GK5: variants seen among roughly 807,000 people sequenced by gnomAD.
GK5 encodes glycerol kinase 5, also known as ATP:glycerol 3-phosphotransferase 5.
Under a neutral mutation model 77.3 loss-of-function variants are expected in GK5, and 39 were observed. The ratio of observed to expected loss-of-function variants is 0.50; its 90% CI spans 0.39 to 0.66. The LOEUF (loss-of-function observed/expected upper bound fraction) is 0.66. GK5 is among the 30% of genes least tolerant of loss of function. The pLI is 0.00. For synonymous variants in GK5, 211 were observed against 208.0 expected (o/e 1.01, Z -0.13); for missense variants, 487 against 633.8 (o/e 0.77, Z 2.49).
In GK5 at chr3:142,161,575, C is replaced by G. The variant is rs2063425991; in HGVS notation, c.*4047G>C. On this transcript the variant is annotated 3_prime_UTR_variant, in exon 16 of 16. Transcript: ENST00000392993. ...GACAGTTTCTGCTTTCAGGGAGCTT[C>G]CAGTCTGGTAGAGATTTACACAGAA... is the stretch of plus-strand genomic sequence containing the variant. 1 of 152,096 alleles carries G rather than the reference C, an allele frequency of 6.6e-6. No individual in the cohort carries two copies. The highest frequency in any genetic ancestry group is 2.4e-5 in the African/African-American group (1 of 41,404). The allele number at this position is 152,096 out of a possible 1,614,324, so 9.4% of individuals were successfully genotyped here. A position where few individuals can be genotyped will look rare whatever the true frequency, so the allele number is the denominator to read the frequency against.
intron 12 of GK5, 88 bp from the exon 13 acceptor site, chr3:142,172,544 C>T (rs2063553223): frequency 1.8e-6 from 1 of 569,046 alleles, no homozygotes; most frequent in Non-Finnish European, 3.1e-6. Context: ...ACAACATAGC[C>T]ACGTTAGAAG....
At chr3:142,192,048 C>T (rs776911318) in intron 5 of GK5, among the ~76,000 whole-genome samples, 8 of 152,150 alleles carry the variant, frequency 5.3e-5, no homozygotes, top group Admixed American at 2.6e-4. Context: ...GAACAGACAC[C>T]TCACCCAAGA....
chr3:142,187,653 C>T, intron 6 of GK5, 51 bp downstream of exon 6: 1 of 1,265,346 alleles, frequency 7.9e-7, no homozygotes, highest in Non-Finnish European at 1.1e-6. Context: ...CAAATCATTT[C>T]TCTTGATCAA....
intron 11 of GK5, among the ~76,000 whole-genome samples, chr3:142,180,682 C>T (rs1279253999): frequency 6.6e-6 from 1 of 152,106 alleles, no homozygotes; most frequent in Non-Finnish European, 1.5e-5. Context: ...TTCTCTCATC[C>T]CTCTTGCCAC....
At chr3:142,205,308 TA>T (rs886993670) in intron 3 of GK5, among the ~76,000 whole-genome samples, 9 of 148,476 alleles carry the variant, frequency 6.1e-5, no homozygotes, top group East Asian at 3.9e-4. Flanking sequence ...AATATAGAAG[TA>T]AAAAAAAAAA....
intron 11 of GK5, among the ~76,000 whole-genome samples, chr3:142,179,761 T>C (rs192889469): frequency 5.3e-5 from 8 of 152,314 alleles, no homozygotes; most frequent in East Asian, 1.9e-4. Flanking sequence ...AATAAGCTAA[T>C]TGATAAAAAG....
At chr3:142,168,700 C>G (rs1326492451) in intron 15 of GK5, among the ~76,000 whole-genome samples, 1 of 151,996 alleles carries the variant, frequency 6.6e-6, no homozygotes, top group Non-Finnish European at 1.5e-5. Flanking sequence ...GCGATCTGTT[C>G]AAATGCAGAT....
Position 142,186,200 on chromosome 3 carries a change from T to G in GK5, c.749A>C (p.Asp250Ala). The G allele has an allele frequency of 6.4e-7, 1 of 1,569,768 alleles. No individual in the cohort carries two copies. Among genetic ancestry groups the G allele is most frequent in the Non-Finnish European group, 8.8e-7 (1 of 1,139,946 alleles). Residue 250 changes from aspartate (D) to alanine (A), a missense_variant, in exon 8 of 16, where the codon GAC becomes GCC. Physicochemically the swap from Asp to Ala is moderately radical, Grantham distance 126. Coordinates refer to ENST00000392993, the MANE Select transcript of GK5 (RefSeq NM_001039547.3). ...GTCTGATGTTTATTATTACCTTGTG[T>G]CCCTCACAGGAGGTAGGAGAGAAAG... ...IPLSLLPPVR[D>A]TSHNFGSVDE...
chr3:142,225,258 G>A, intron 1 of GK5, 51 bp downstream of exon 1: 3 of 1,481,560 alleles, frequency 2.0e-6, no homozygotes, highest in Middle Eastern at 2.4e-4. Context: ...CGGACCCCGG[G>A]ACTCAGCGAA....
rs1305105149 is a variant in GK5 at position 142,161,038 on chromosome 3, A to G, written c.*4584T>C. 2 of 151,698 alleles carry G rather than the reference A, an allele frequency of 1.3e-5. No homozygotes were observed. Among genetic ancestry groups the G allele is most frequent in the East Asian group, 3.9e-4 (2 of 5,152 alleles). The allele number at this position is 151,698 out of a possible 1,614,324, so 9.4% of individuals were successfully genotyped here. On this transcript the variant is annotated 3_prime_UTR_variant, in exon 16 of 16. Coordinates refer to ENST00000392993, the MANE Select transcript of GK5 (RefSeq NM_001039547.3). ...GTACTTGGCCAAAAATTTTAAATAA[A>G]CAACATGAGGATTCTAGCTCTCACT...
Position 142,161,913 on chromosome 3 carries a change from C to A in GK5, c.*3709G>T, listed in dbSNP as rs1186719042. ...TCCTGGAGCTCAAGTGATCTTCCCA[C>A]CTCAGCCCCCTAATTAGCTGGGACT... On this transcript the variant is annotated 3_prime_UTR_variant, in exon 16 of 16. Transcript: ENST00000392993. 6.6e-6 allele frequency: 1 copy of A among 152,228 alleles called. No homozygotes were observed. The highest frequency in any genetic ancestry group is 1.5e-5 in the Non-Finnish European group (1 of 68,092). The allele number at this position is 152,228 out of a possible 1,614,324, so 9.4% of individuals were successfully genotyped here.
intron 12 of GK5, among the ~76,000 whole-genome samples, chr3:142,176,658 ATT>A (rs1219207632): frequency 3.8e-5 from 4 of 105,182 alleles, no homozygotes; most frequent in African/African-American, 3.8e-5. Flanking sequence ...GGAGATTTTG[ATT>A]TTTTTTTTTT....
At chr3:142,180,917 G>A (rs114250638) in intron 11 of GK5, among the ~76,000 whole-genome samples, 1 of 152,114 alleles carries the variant, frequency 6.6e-6, no homozygotes, top group African/African-American at 2.4e-5. Context: ...CAAGCTTAAG[G>A]CTTTGAGAAC....
chr3:142,186,603 T>A, intron 6 of GK5, 90 bp from the exon 7 acceptor site: 54 of 435,656 alleles, frequency 1.2e-4, no homozygotes, highest in Non-Finnish European at 1.9e-4. Flanking sequence ...TTGTCTACCC[T>A]CAAATTCATT....
chr3:142,177,398 T>G, intron 12 of GK5, 84 bp downstream of exon 12: 1 of 766,882 alleles, frequency 1.3e-6, no homozygotes, highest in Non-Finnish European at 2.2e-6. Context: ...AATTTTAAGG[T>G]AACAGAATGG....
At chr3:142,199,578 G>C (rs1431056053) in intron 4 of GK5, among the ~76,000 whole-genome samples, 1 of 152,034 alleles carries the variant, frequency 6.6e-6, no homozygotes, top group Non-Finnish European at 1.5e-5. Context: ...TAGAAATTAA[G>C]TTTGCACTAA....
At chr3:142,177,422 T>G (rs919957964) in intron 12 of GK5, 60 bp downstream of exon 12, 1 of 914,592 alleles carries the variant, frequency 1.1e-6, no homozygotes. Flanking sequence ...ATATATAAGT[T>G]TGGATGTGGC....
chr3:142,191,437 G>A (rs1040075598), intron 5 of GK5, among the ~76,000 whole-genome samples: 1 of 152,142 alleles, frequency 6.6e-6, no homozygotes, highest in South Asian at 2.1e-4. Context: ...AGGTGCGATA[G>A]CTCACACCTG....
At chr3:142,168,180 T>C (rs560179655) in intron 15 of GK5, among the ~76,000 whole-genome samples, 27 of 152,348 alleles carry the variant, frequency 1.8e-4, no homozygotes, top group Admixed American at 3.9e-4. Context: ...TGATATACTA[T>C]AATTATAGCT....
Sources: allele counts gnomAD v4.1 joint callset (sites outside exome capture counted in the v4.1 genomes callset), GRCh38; gene constraint gnomAD v4.1.1; transcripts MANE v1.5; gene names NCBI Gene and HGNC (gene_info 2026-07-23, HGNC 2026-07-21).